TMEM238: variants seen among roughly 807,000 people sequenced by gnomAD.
TMEM238 encodes transmembrane protein 238.
For synonymous variants in TMEM238, 103 were observed against 111.5 expected, an observed-to-expected ratio of 0.92 and a Z score of 0.48; for missense variants, 169 against 206.8, an observed-to-expected ratio of 0.82 and a Z score of 1.12.
intron 1 of TMEM238, among the ~76,000 whole-genome samples, chr19:55,381,000 G>A (rs1161150356): frequency 6.6e-6 from 1 of 152,216 alleles, no homozygotes; most frequent in Non-Finnish European, 1.5e-5. Flanking sequence ...GCAAGCAGAT[G>A]TTCATGCTTT....
Position 55,384,046 on chromosome 19 carries a change from T to C in TMEM238, c.214A>G (p.Ile72Val). 1 of 1,483,130 alleles carries C rather than the reference T, an allele frequency of 6.7e-7. No homozygotes were observed. Among genetic ancestry groups the C allele is most frequent in the Non-Finnish European group, 9.0e-7 (1 of 1,114,784 alleles). The allele number at this position is 1,483,130 out of a possible 1,614,324, so 91.9% of individuals were successfully genotyped here. Residue 72 changes from isoleucine to valine, a missense_variant, in exon 1 of 2, where the codon ATC becomes GTC. Physicochemically the swap from Ile to Val is conservative, Grantham distance 29. Coordinates refer to ENST00000444469, the MANE Select transcript of TMEM238 (RefSeq NM_001190764.2). The surrounding 1 kb of genome is among the most constrained non-coding windows in gnomAD (Gnocchi z 5.6). ...AACACCAGCAGCGCGCCCGAGTAGA[T>C]GAGCAGGTCCCCGAAGTCGCGGCCG... ...VRGRDFGDLL[I>V]YSGALLVFLS... is the part of the protein sequence containing the mutation.
rs2089899212 is a variant in TMEM238 at position 55,384,170 on chromosome 19, G to C, written c.90C>G (p.Gly30=). The part of the protein sequence containing the change: ...APAAAPAPAA[G]LGRCRMALLL... ...GCAGCGCCATCCGGCAGCGGCCCAG[G>C]CCGGCCGCGGGTGCTGGCGCGGCCG... Residue 30 remains glycine (G), a synonymous_variant, in exon 1 of 2, where the codon GGC becomes GGG. Coordinates refer to ENST00000444469, the MANE Select transcript of TMEM238 (RefSeq NM_001190764.2). The surrounding 1 kb of genome is among the most constrained non-coding windows in gnomAD (Gnocchi z 5.6). 4.1e-6 allele frequency: 5 copies of C among 1,219,780 alleles called. No homozygotes were observed. The African/African-American group carries it at 6.5e-5, about 16-fold the overall frequency. The allele number at this position is 1,219,780 out of a possible 1,614,324, so 75.6% of individuals were successfully genotyped here.
chr19:55,381,208 C>T (rs183197854), intron 1 of TMEM238, among the ~76,000 whole-genome samples: 36 of 152,012 alleles, frequency 2.4e-4, no homozygotes, highest in South Asian at 6.2e-4. Context: ...CACCCGAGAT[C>T]GGGAGTTTGA....
Position 55,384,206 on chromosome 19 carries a change from C to A in TMEM238, c.54G>T (p.Pro18=). The A allele has an allele frequency of 8.6e-7, 1 of 1,164,752 alleles. No homozygotes were observed. The highest frequency in any genetic ancestry group is 1.1e-6 in the Non-Finnish European group (1 of 949,284). The allele number at this position is 1,164,752 out of a possible 1,614,324, so 72.2% of individuals were successfully genotyped here. ...GTGCTGGCGCGGCCGCCGGCGCGGA[C>A]GGTGCACCCGGCGGGCTCCCCTGCG... The part of the protein sequence containing the change: ...CASQGSPPGA[P]SAPAAAPAPA... The change falls in exon 1 of 2, where the codon CCG becomes CCT. Residue 18 remains proline, a synonymous_variant. Transcript: ENST00000444469. The surrounding 1 kb of genome is among the most constrained non-coding windows in gnomAD (Gnocchi z 5.6).
At chr19:55,380,430 C>T (rs995614174) in intron 1 of TMEM238, among the ~76,000 whole-genome samples, 2 of 127,622 alleles carry the variant, frequency 1.6e-5, no homozygotes, top group African/African-American at 5.9e-5. Flanking sequence ...CTCTCCTCTC[C>T]TTTTCTTTTT....
At chr19:55,381,703 C>A (rs528640782) in intron 1 of TMEM238, among the ~76,000 whole-genome samples, 1 of 152,254 alleles carries the variant, frequency 6.6e-6, no homozygotes, top group South Asian at 2.1e-4. Flanking sequence ...CCAGCCGAGG[C>A]CCCTGCCCCA....
rs1167929748 is a variant in TMEM238 at position 55,383,425 on chromosome 19, T to G, written c.*7+297A>C. On this transcript the variant is annotated intron_variant, in intron 1 of 1. Transcript: ENST00000444469. This position sits in a 1 kb window ranked among gnomAD's most constrained non-coding sequence, Gnocchi z 4.9. The stretch of plus-strand genomic sequence containing the variant: ...ACAAAACAAAACAAAAAATGGGGCC[T>G]GGTGTACCTGGAAGCTGGGGCTCTC... Among the ~76,000 whole-genome samples, 5 of 152,030 alleles carry G rather than the reference T, an allele frequency of 3.3e-5. No individual in the cohort carries two copies. Among genetic ancestry groups the G allele is most frequent in the Non-Finnish European group, 7.4e-5 (5 of 67,976 alleles).
At chr19:55,382,391 C>T (rs1467915157) in intron 1 of TMEM238, among the ~76,000 whole-genome samples, 1 of 152,228 alleles carries the variant, frequency 6.6e-6, no homozygotes, top group African/African-American at 2.4e-5. Context: ...CCTCAAGGCA[C>T]TCCCTGTCAG....
At chr19:55,379,941 G>A (rs1204548534) in intron 1 of TMEM238, among the ~76,000 whole-genome samples, 1 of 151,896 alleles carries the variant, frequency 6.6e-6, no homozygotes, top group Admixed American at 6.6e-5. Context: ...GCTGCAGTGA[G>A]CTGTGATTGC....
Position 55,384,138 on chromosome 19 carries a change from G to A in TMEM238, c.122C>T (p.Ala41Val). 2 of 1,428,442 alleles carry A rather than the reference G, an allele frequency of 1.4e-6. No homozygotes were observed. Among genetic ancestry groups the A allele is most frequent in the South Asian group, 1.3e-5 (1 of 78,226 alleles). The allele number at this position is 1,428,442 out of a possible 1,614,324, so 88.5% of individuals were successfully genotyped here. Residue 41 changes from alanine to valine, a missense_variant, in exon 1 of 2, where the codon GCC (alanine) becomes GTC (valine). Transcript: ENST00000444469. This position sits in a 1 kb window ranked among gnomAD's most constrained non-coding sequence, Gnocchi z 5.6. ...LGRCRMALLLAVALDVAGMAA... is the reference protein window; with the variant it reads ...LGRCRMALLLVVALDVAGMAA... Reference sequence around the variant, plus strand: ...CATGCCCGCCACATCCAGCGCCACGGCCAGCAGCAGCGCCATCCGGCAGCG... The same window carrying A: ...CATGCCCGCCACATCCAGCGCCACGACCAGCAGCAGCGCCATCCGGCAGCG...
At position 55,383,483 on chromosome 19, in the gene TMEM238, C is replaced by T. The variant is rs1028973921; in HGVS notation, c.*7+239G>A. 1.3e-5 allele frequency among the ~76,000 whole-genome samples: 2 copies of T among 152,148 alleles called. No individual in the cohort carries two copies. The highest frequency in any genetic ancestry group is 3.9e-4 in the East Asian group (2 of 5,182). On this transcript the variant is annotated intron_variant, in intron 1 of 1. Coordinates refer to ENST00000444469, the MANE Select transcript of TMEM238 (RefSeq NM_001190764.2). The surrounding 1 kb of genome is among the most constrained non-coding windows in gnomAD (Gnocchi z 4.9). Reference sequence around the variant, plus strand: ...GGGGGGCCTAACTGTGTGACTCGACCCCCACACTTCCCATCTCCAGGGGCA... The same window carrying T: ...GGGGGGCCTAACTGTGTGACTCGACTCCCACACTTCCCATCTCCAGGGGCA...
At position 55,384,173 on chromosome 19, in the gene TMEM238, G is replaced by C. The variant is rs575843500; in HGVS notation, c.87C>G (p.Ala29=). 4 of 1,203,894 alleles carry C rather than the reference G, an allele frequency of 3.3e-6. No individual in the cohort carries two copies. Among genetic ancestry groups the C allele is most frequent in the Non-Finnish European group, 4.1e-6 (4 of 972,252 alleles). 74.6% of individuals were successfully genotyped at this position (1,203,894 alleles called of 1,614,324 possible). A position where few individuals can be genotyped will look rare whatever the true frequency, so the allele number is the denominator to read the frequency against. Residue 29 remains alanine, a synonymous_variant, in exon 1 of 2, where the codon GCC becomes GCG. Coordinates refer to ENST00000444469, the MANE Select transcript of TMEM238 (RefSeq NM_001190764.2). This position sits in a 1 kb window ranked among gnomAD's most constrained non-coding sequence, Gnocchi z 5.6. The stretch of plus-strand genomic sequence containing the variant: ...GCGCCATCCGGCAGCGGCCCAGGCC[G>C]GCCGCGGGTGCTGGCGCGGCCGCCG... ...SAPAAAPAPA[A]GLGRCRMALL...
intron 1 of TMEM238, among the ~76,000 whole-genome samples, chr19:55,382,346 G>C (rs2123263903): frequency 6.6e-6 from 1 of 152,304 alleles, no homozygotes; most frequent in East Asian, 1.9e-4. Flanking sequence ...GCTGGGCAAT[G>C]CTAGGAACAA....
chr19:55,381,576 T>A (rs2089887207), intron 1 of TMEM238, among the ~76,000 whole-genome samples: 1 of 152,168 alleles, frequency 6.6e-6, no homozygotes, highest in South Asian at 2.1e-4. Flanking sequence ...CTCATCTGTG[T>A]ACTTATCATT....
At chr19:55,382,424 A>G (rs775449991) in intron 1 of TMEM238, among the ~76,000 whole-genome samples, 2 of 152,206 alleles carry the variant, frequency 1.3e-5, no homozygotes, top group Non-Finnish European at 2.9e-5. Context: ...GTAACAACAT[A>G]GACACAGCAC....
chr19:55,381,418 C>CAAA (rs56902543), intron 1 of TMEM238, among the ~76,000 whole-genome samples: 87 of 53,310 alleles, frequency 1.6e-3, no homozygotes, highest in Admixed American at 2.3e-3. Flanking sequence ...AACTCCATCT[C>CAAA]AAAAAAAAAA....
chr19:55,384,115 T>TGCCCGCCAC lies in TMEM238; in HGVS notation c.136_144dup (p.Val46_Gly48dup), dbSNP rs1435210143. Reference sequence around the variant, plus strand: ...AACACGCCGGTCAGCAGCGCCGCCATGCCCGCCACATCCAGCGCCACGGCC... The same window carrying TGCCCGCCAC: ...AACACGCCGGTCAGCAGCGCCGCCATGCCCGCCACGCCCGCCACATCCAGCGCCACGGCC... On this transcript the variant is annotated inframe_insertion, in exon 1 of 2. Transcript: ENST00000444469. This position sits in a 1 kb window ranked among gnomAD's most constrained non-coding sequence, Gnocchi z 5.6. 1 of 1,448,246 alleles carries TGCCCGCCAC rather than the reference T, an allele frequency of 6.9e-7. No homozygotes were observed. The highest frequency in any genetic ancestry group is 2.9e-5 in the East Asian group (1 of 34,302). 89.7% of individuals were successfully genotyped at this position (1,448,246 alleles called of 1,614,324 possible).
chr19:55,383,884 G>C lies in TMEM238; in HGVS notation c.376C>G (p.Pro126Ala). Residue 126 changes from proline (P) to alanine (A), a missense_variant, in exon 1 of 2, where the codon CCC (proline) becomes GCC (alanine). By Grantham distance (27) the Pro-to-Ala change is conservative. Transcript: ENST00000444469. The surrounding 1 kb of genome is among the most constrained non-coding windows in gnomAD (Gnocchi z 4.9). Reference protein sequence around the residue: ...ARKLSRRWSAPAAAGQRPAPG... With the variant: ...ARKLSRRWSAAAAAGQRPAPG... ...GCGGGGCGCTGGCCCGCGGCGGCGG[G>C]CGCCGACCAGCGGCGGGAGAGCTTG... 1 of 1,064,330 alleles carries C rather than the reference G, an allele frequency of 9.4e-7. No homozygotes were observed. Among genetic ancestry groups the C allele is most frequent in the African/African-American group, 1.7e-5 (1 of 58,504 alleles). 65.9% of individuals were successfully genotyped at this position (1,064,330 alleles called of 1,614,324 possible). A position where few individuals can be genotyped will look rare whatever the true frequency, so the allele number is the denominator to read the frequency against.
At position 55,383,827 on chromosome 19, in the gene TMEM238, G is replaced by C. The variant is rs2089896001; in HGVS notation, c.433C>G (p.Arg145Gly). Residue 145 changes from arginine to glycine, a missense_variant, in exon 1 of 2, where the codon CGC becomes GGC. Arg to Gly is a moderately radical substitution (Grantham distance 125). Coordinates refer to ENST00000444469, the MANE Select transcript of TMEM238 (RefSeq NM_001190764.2). The surrounding 1 kb of genome is among the most constrained non-coding windows in gnomAD (Gnocchi z 4.9). ...PGSRRARRAARAPPPPAAGSR... is the reference protein window; with the variant it reads ...PGSRRARRAAGAPPPPAAGSR... ...CCGGCGGCGGGCGGCGGGGGCGCGC[G>C]GGCGGCTCGGCGCGCTCTCCGGGAG... is the stretch of plus-strand genomic sequence containing the variant. 1.7e-6 allele frequency: 1 copy of C among 596,050 alleles called. No individual in the cohort carries two copies. Among genetic ancestry groups the C allele is most frequent in the Non-Finnish European group, 2.1e-6 (1 of 477,214 alleles). The allele number at this position is 596,050 out of a possible 1,614,324, so 36.9% of individuals were successfully genotyped here.
Sources: gnomAD v4.1 joint callset for allele counts (sites outside exome capture counted in the v4.1 genomes callset) on GRCh38, gnomAD v4.1.1 for gene constraint, Gnocchi (gnomAD v3.1) non-coding constraint, MANE v1.5 for transcripts, NCBI Gene and HGNC (gene_info 2026-07-23, HGNC 2026-07-21) for gene names.